Variants in GRAMD2A observed in about 807,000 individuals in gnomAD.
The protein encoded by GRAMD2A is GRAM domain-containing protein 2A.
GRAMD2A carries 37 observed loss-of-function variants against 51.1 expected under a neutral mutation model. The observed-to-expected ratio is 0.72, with a 90% CI of 0.56 to 0.95. The LOEUF is 0.95. Ranked by LOEUF, GRAMD2A falls within the 40% of genes least tolerant of loss-of-function variation. The probability of loss-of-function intolerance (pLI) is 0.00; values close to 1 mark genes in which losing one functional copy is unlikely to be tolerated. For missense variants in GRAMD2A, 414 were observed against 426.9 expected (o/e 0.97, Z 0.27); for synonymous variants, 136 against 157.1 (o/e 0.87, Z 1.01).
chr15:72,163,775 A>G lies in GRAMD2A; in HGVS notation c.601-18T>C, dbSNP rs1254924618. The G allele has an allele frequency of 6.2e-7, 1 of 1,606,506 alleles. No homozygotes were observed. The highest frequency in any genetic ancestry group is 8.5e-7 in the Non-Finnish European group (1 of 1,178,064). ...AGGACTTCCTGCAGTAAGACAGGAGAAGCTATCTTACCATGGCCCTTGCGA... is the reference window on the plus strand; with the variant it reads ...AGGACTTCCTGCAGTAAGACAGGAGGAGCTATCTTACCATGGCCCTTGCGA... On this transcript the variant is annotated intron_variant, in intron 8 of 11. Transcript: ENST00000309731.
intron 1 of GRAMD2A, among the ~76,000 whole-genome samples, chr15:72,193,550 T>A (rs189031187): frequency 7.0e-6 from 1 of 143,640 alleles, no homozygotes; most frequent in Non-Finnish European, 1.5e-5. Context: ...CGAGACGCAG[T>A]CTTGCTCTGT....
At chr15:72,186,154 T>C (rs2140558692) in intron 1 of GRAMD2A, among the ~76,000 whole-genome samples, 1 of 152,236 alleles carries the variant, frequency 6.6e-6, no homozygotes, top group South Asian at 2.1e-4. Context: ...CAATCTATCT[T>C]ACCTATTTTA....
intron 1 of GRAMD2A, among the ~76,000 whole-genome samples, chr15:72,177,768 C>G (rs1338864172): frequency 6.6e-6 from 1 of 152,192 alleles, no homozygotes; most frequent in Non-Finnish European, 1.5e-5. Flanking sequence ...CACTCTTTCA[C>G]CGAGGTTGGA....
intron 5 of GRAMD2A, 119 bp from the exon 6 acceptor site, chr15:72,167,211 T>C (rs2081556582): frequency 2.7e-6 from 2 of 745,146 alleles, no homozygotes; most frequent in Admixed American, 2.0e-5. Context: ...CCTGGCCCCA[T>C]GTGGGGAAGT....
intron 8 of GRAMD2A, among the ~76,000 whole-genome samples, chr15:72,165,119 A>G (rs796359483): frequency 7.2e-5 from 11 of 152,352 alleles, no homozygotes; most frequent in African/African-American, 2.6e-4. Context: ...AGCATGGGCA[A>G]CATAGCAAGA....
At position 72,166,349 on chromosome 15, in the gene GRAMD2A, G is replaced by A. The variant is rs997782336; in HGVS notation, c.543+283C>T. Among the ~76,000 whole-genome samples, 5 of 152,156 alleles carry A rather than the reference G, an allele frequency of 3.3e-5. No homozygotes were observed. Among genetic ancestry groups the A allele is most frequent in the South Asian group, 2.1e-4 (1 of 4,828 alleles). ...TCTATTAAACACATTTTTGACTTAC[G>A]ATATTTTCAACTTTTGATGGGTTCA... is the stretch of plus-strand genomic sequence containing the variant. On this transcript the variant is annotated intron_variant, in intron 7 of 11. Coordinates refer to ENST00000309731, the MANE Select transcript of GRAMD2A (RefSeq NM_001012642.3). The surrounding 1 kb of genome is among the most constrained non-coding windows in gnomAD (Gnocchi z 4.1).
At chr15:72,184,087 G>A (rs1343546714) in intron 1 of GRAMD2A, among the ~76,000 whole-genome samples, 1 of 152,232 alleles carries the variant, frequency 6.6e-6, no homozygotes, top group Admixed American at 6.5e-5. Context: ...AGATAGGATT[G>A]CATCTTTCTC....
intron 1 of GRAMD2A, among the ~76,000 whole-genome samples, chr15:72,193,624 G>A (rs1287505950): frequency 3.3e-5 from 5 of 151,832 alleles, no homozygotes; most frequent in Admixed American, 6.6e-5. Flanking sequence ...CCAGGTTCAC[G>A]CCAGTCTCCT....
At chr15:72,191,593 A>G (rs1382199685) in intron 1 of GRAMD2A, among the ~76,000 whole-genome samples, 1 of 152,238 alleles carries the variant, frequency 6.6e-6, no homozygotes, top group Non-Finnish European at 1.5e-5. Context: ...CCCTAATTAA[A>G]TAATGGGTCT....
intron 1 of GRAMD2A, 69 bp downstream of exon 1, chr15:72,197,662 G>A: frequency 8.3e-7 from 1 of 1,206,940 alleles, no homozygotes; most frequent in South Asian, 2.7e-5. Context: ...GTCCTGCCCC[G>A]CGCGGCAGCA....
Position 72,178,568 on chromosome 15 carries a change from C to CTTTTTTT in GRAMD2A, c.42-8636_42-8630dup, listed in dbSNP as rs537075334. 2.1e-3 allele frequency among the ~76,000 whole-genome samples: 176 copies of CTTTTTTT among 84,188 alleles called. 1 individual carries two copies. The highest frequency in any genetic ancestry group is 3.4e-3 in the African/African-American group (72 of 21,362). The allele number at this position is 84,188 out of a possible 152,430, so 55.2% of individuals were successfully genotyped here. On this transcript the variant is annotated intron_variant, in intron 1 of 11. Transcript: ENST00000309731. ...TGTCATTATTGCTGTCTTGCACTTT[C>CTTTTTTT]TTTTTTTTTTTTTTTTTTTTTTTTT... is the stretch of plus-strand genomic sequence containing the variant.
chr15:72,181,846 G>A (rs146910743), intron 1 of GRAMD2A, among the ~76,000 whole-genome samples: 3 of 152,308 alleles, frequency 2.0e-5, no homozygotes, highest in East Asian at 3.9e-4. Context: ...CAGAAGAAAG[G>A]TTTAGGCAGG....
chr15:72,163,337 C>T lies in GRAMD2A; in HGVS notation c.885G>A (p.Leu295=). Residue 295 remains leucine (L), a synonymous_variant, in exon 10 of 12, where the codon CTG becomes CTA. Transcript: ENST00000309731. ...AKNAVYEEDE[L]EEEPRSTGEL... ...CCCCAGTGCTCCTGGGCTCCTCCTC[C>T]AGCTCATCCTCCTCATAGACAGCAT... 1 of 1,614,148 alleles carries T rather than the reference C, an allele frequency of 6.2e-7. No homozygotes were observed. Among genetic ancestry groups the T allele is most frequent in the African/African-American group, 1.3e-5 (1 of 75,066 alleles).
At chr15:72,168,653 C>T (rs2081575645) in intron 3 of GRAMD2A, 87 bp from the exon 4 acceptor site, 2 of 1,120,206 alleles carry the variant, frequency 1.8e-6, no homozygotes, top group Non-Finnish European at 2.7e-6. Flanking sequence ...AATGCCACAG[C>T]CCCCCGGCCC....
intron 1 of GRAMD2A, among the ~76,000 whole-genome samples, chr15:72,197,328 C>A (rs2081814810): frequency 6.6e-6 from 1 of 152,214 alleles, no homozygotes. Context: ...GGGTCGGGGG[C>A]AATTAGGACT....
At chr15:72,187,671 C>A (rs1478598863) in intron 1 of GRAMD2A, among the ~76,000 whole-genome samples, 6 of 152,036 alleles carry the variant, frequency 3.9e-5, no homozygotes, top group African/African-American at 1.4e-4. Context: ...TGCCATCAAG[C>A]CTGGCTACTT....
chr15:72,197,746 G>A lies in GRAMD2A; in HGVS notation c.26C>T (p.Ala9Val), dbSNP rs1342892894. ...AACCCCTTACCCGCCCTCCTCGGTG[G>A]CCTCGCTCCGGCTTAAAGCGGTCAT... MTALSRSE[A>V]TEEGGNQQMH... The change falls in exon 1 of 12, where the codon GCC (alanine) becomes GTC (valine). Residue 9 changes from alanine (A) to valine (V), a missense_variant. By Grantham distance (64) the Ala-to-Val change is moderately conservative. Coordinates refer to ENST00000309731, the MANE Select transcript of GRAMD2A (RefSeq NM_001012642.3). 1 of 1,336,932 alleles carries A rather than the reference G, an allele frequency of 7.5e-7. No homozygotes were observed. The highest frequency in any genetic ancestry group is 9.6e-7 in the Non-Finnish European group (1 of 1,036,512). 82.8% of individuals were successfully genotyped at this position (1,336,932 alleles called of 1,614,324 possible).
Position 72,166,501 on chromosome 15 carries a change from G to C in GRAMD2A, c.543+131C>G, listed in dbSNP as rs2081546388. The C allele has an allele frequency of 4.3e-6, 3 of 703,412 alleles. No individual in the cohort carries two copies. In the African/African-American group the frequency reaches 5.2e-5, roughly 12 times the overall value. 43.6% of individuals were successfully genotyped at this position (703,412 alleles called of 1,614,324 possible). A position where few individuals can be genotyped will look rare whatever the true frequency, so the allele number is the denominator to read the frequency against. ...ACTGTCTCTTGTACATTGAGCCTGA[G>C]CCTTTAACTCCCCTCTCCCTGCCCC... On this transcript the variant is annotated intron_variant, in intron 7 of 11. Transcript: ENST00000309731. This position sits in a 1 kb window ranked among gnomAD's most constrained non-coding sequence, Gnocchi z 4.1.
chr15:72,190,185 G>T (rs1300269567), intron 1 of GRAMD2A, among the ~76,000 whole-genome samples: 1 of 152,032 alleles, frequency 6.6e-6, no homozygotes, highest in Admixed American at 6.6e-5. Context: ...GACCATCCTG[G>T]CTAACATGGT....
Sources: allele counts gnomAD v4.1 joint callset (sites outside exome capture counted in the v4.1 genomes callset), GRCh38; gene constraint gnomAD v4.1.1; non-coding constraint Gnocchi (gnomAD v3.1); transcripts MANE v1.5; gene names NCBI Gene and HGNC (gene_info 2026-07-23, HGNC 2026-07-21).